Variants in MEIOB observed in about 807,000 individuals in gnomAD.
The protein encoded by MEIOB is meiosis specific with OB-fold, also known as meiosis-specific with OB domain-containing protein.
MEIOB carries 50 observed loss-of-function variants against 53.1 expected under a neutral mutation model. The observed-to-expected ratio is 0.94, with a 90% CI of 0.75 to 1.19. The LOEUF (loss-of-function observed/expected upper bound fraction) is 1.19. Among genes scored for constraint, MEIOB ranks in the 50% most tolerant of loss-of-function variants. The pLI, the probability that MEIOB is intolerant of heterozygous loss-of-function variation, is 0.00. For missense variants in MEIOB, 551 were observed against 550.8 expected (o/e 1.00, Z 0.00); for synonymous variants, 192 against 182.5 (o/e 1.05, Z -0.42).
rs57826143 is a variant in MEIOB, at chr16:1,841,012, C to CTTTTTTTTTTT, written c.1034+797_1034+807dup. 81 of 106,418 alleles carry CTTTTTTTTTTT rather than the reference C, an allele frequency of 7.6e-4. 1 individual carries two copies. Among genetic ancestry groups the CTTTTTTTTTTT allele is most frequent in the South Asian group, 1.0e-3 (3 of 2,914 alleles). 6.6% of individuals were successfully genotyped at this position (106,418 alleles called of 1,614,324 possible). ...TACTGGAGTTTACTTTCTTTTCTTT[C>CTTTTTTTTTTT]TTTTTTTTTTTTTTTTTTTTTGAGA... On this transcript the variant is annotated intron_variant, in intron 11 of 13. Transcript: ENST00000325962.
intron 9 of MEIOB, 112 bp downstream of exon 9, chr16:1,852,927 T>A: frequency 1.4e-6 from 1 of 693,376 alleles, no homozygotes; most frequent in Non-Finnish European, 2.3e-6. Context: ...CAATTTTTAC[T>A]TCTAATTTGA....
chr16:1,844,271 C>T (rs780905688), intron 10 of MEIOB, among the ~76,000 whole-genome samples: 11 of 148,320 alleles, frequency 7.4e-5, no homozygotes, highest in Non-Finnish European at 1.2e-4. Context: ...TACAGGTGCC[C>T]CCTACCATGC....
chr16:1,871,140 T>C (rs1899731591), intron 1 of MEIOB, among the ~76,000 whole-genome samples: 1 of 152,076 alleles, frequency 6.6e-6, no homozygotes, highest in African/African-American at 2.4e-5. Flanking sequence ...GATACAAAAT[T>C]AACATGAACT....
chr16:1,857,819 A>G lies in MEIOB; in HGVS notation c.444T>C (p.His148=), dbSNP rs1319730783. 1 of 1,551,802 alleles carries G rather than the reference A, an allele frequency of 6.4e-7. No homozygotes were observed. Among genetic ancestry groups the G allele is most frequent in the Non-Finnish European group, 8.7e-7 (1 of 1,146,780 alleles). ...CAATGTCACCCAGTGAATAATAATC[A>G]TGAGACTCTTTAACAGGTAAATGTA... The part of the protein sequence containing the change: ...SLIHLPVKES[H]DYYSLGDIVA... The change falls in exon 6 of 14, where the codon CAT becomes CAC. Residue 148 remains histidine (H), a synonymous_variant. Transcript: ENST00000325962.
intron 9 of MEIOB, among the ~76,000 whole-genome samples, chr16:1,848,260 A>G (rs2142085007): frequency 6.6e-6 from 1 of 152,330 alleles, no homozygotes; most frequent in Admixed American, 6.5e-5. Context: ...CCTCCACAAA[A>G]GCAATAGCAA....
At chr16:1,858,360 C>T (rs1011756817) in intron 5 of MEIOB, among the ~76,000 whole-genome samples, 3 of 152,150 alleles carry the variant, frequency 2.0e-5, no homozygotes, top group Non-Finnish European at 2.9e-5. Context: ...ATGGAGCAGA[C>T]GCAGAACACT....
Position 1,854,101 on chromosome 16 carries a change from A to G in MEIOB, c.628T>C (p.Cys210Arg). 2 of 1,537,908 alleles carry G rather than the reference A, an allele frequency of 1.3e-6. No individual in the cohort carries two copies. The highest frequency in any genetic ancestry group is 2.4e-5 in the East Asian group (1 of 40,842). Reference sequence around the variant, plus strand: ...TTTGGAACAGACATCGGTGTTTACCATGTCATCGCAAAAGACGACTCTGTT... The same window carrying G: ...TTTGGAACAGACATCGGTGTTTACCGTGTCATCGCAAAAGACGACTCTGTT... ...DETESSFAMT[C>R]WDNESILLAQ... is the part of the protein sequence containing the mutation. The change falls in exon 7 of 14, where the codon TGT becomes CGT. Residue 210 changes from cysteine to arginine, a missense_variant and splice_region_variant. Physicochemically the swap from Cys to Arg is radical, Grantham distance 180. Coordinates refer to ENST00000325962, the MANE Select transcript of MEIOB (RefSeq NM_001163560.3).
rs1899470448 is a variant in MEIOB at position 1,862,422 on chromosome 16, G to T, written c.128-306C>A. 2.0e-5 allele frequency among the ~76,000 whole-genome samples: 3 copies of T among 152,230 alleles called. No homozygotes were observed. The East Asian group carries it at 5.8e-4, about 29-fold the overall frequency. On this transcript the variant is annotated intron_variant, in intron 3 of 13. Coordinates refer to ENST00000325962, the MANE Select transcript of MEIOB (RefSeq NM_001163560.3). ...AAACATGTAAACTTGAGCCATCCAGGTATTACCTTAGGTTCTCCTTTTCTC... is the reference window on the plus strand; with the variant it reads ...AAACATGTAAACTTGAGCCATCCAGTTATTACCTTAGGTTCTCCTTTTCTC...
At chr16:1,855,532 G>T (rs187941685) in intron 6 of MEIOB, among the ~76,000 whole-genome samples, 1 of 152,306 alleles carries the variant, frequency 6.6e-6, no homozygotes, top group Admixed American at 6.5e-5. Context: ...CGTGACACAT[G>T]AAAGGTTCCA....
At chr16:1,868,053 T>A in intron 2 of MEIOB, 54 bp downstream of exon 2, 1 of 933,122 alleles carries the variant, frequency 1.1e-6, no homozygotes, top group East Asian at 2.7e-5. Flanking sequence ...ATTGATGTAA[T>A]GTTATCACAT....
chr16:1,844,617 A>T (rs1898986829), intron 10 of MEIOB, among the ~76,000 whole-genome samples: 1 of 150,814 alleles, frequency 6.6e-6, no homozygotes, highest in Non-Finnish European at 1.5e-5. Flanking sequence ...ACATCCCATG[A>T]TACCTGGCTA....
In MEIOB at chr16:1,838,091, G is replaced by A. The variant is rs1898798272; in HGVS notation, c.1219-221C>T. ...AGCTCACTGCAGCCTCGAACTCCCG[G>A]GGTCAAGCAATCCTCCCTCAGCTTC... On this transcript the variant is annotated intron_variant, in intron 12 of 13. Coordinates refer to ENST00000325962, the MANE Select transcript of MEIOB (RefSeq NM_001163560.3). 8 of 771,624 alleles carry A rather than the reference G, an allele frequency of 1.0e-5. No individual in the cohort carries two copies. The East Asian group carries it at 1.9e-4, about 18-fold the overall frequency. The allele number at this position is 771,624 out of a possible 1,614,324, so 47.8% of individuals were successfully genotyped here.
intron 6 of MEIOB, among the ~76,000 whole-genome samples, chr16:1,855,063 G>A (rs1190179045): frequency 1.3e-5 from 2 of 152,170 alleles, no homozygotes; most frequent in Non-Finnish European, 2.9e-5. Flanking sequence ...TGGGAAGGTG[G>A]AGAACACTGT....
intron 13 of MEIOB, 53 bp downstream of exon 13, chr16:1,837,731 A>C (rs960651013): frequency 3.2e-6 from 3 of 926,778 alleles, no homozygotes; most frequent in Non-Finnish European, 4.8e-6. Context: ...TATGGTTTGA[A>C]TATACAGAAT....
chr16:1,860,802 C>T (rs1180195666), intron 4 of MEIOB, among the ~76,000 whole-genome samples: 1 of 152,042 alleles, frequency 6.6e-6, no homozygotes, highest in East Asian at 1.9e-4. Context: ...AGAGAGATAC[C>T]ATACATTGTC....
At chr16:1,856,941 T>G (rs1310661636) in intron 6 of MEIOB, among the ~76,000 whole-genome samples, 2 of 126,330 alleles carry the variant, frequency 1.6e-5, no homozygotes, top group Non-Finnish European at 3.3e-5. Context: ...TTTTTGTATT[T>G]TTTGTAGAGA....
chr16:1,842,453 T>TAA (rs74460539), intron 10 of MEIOB, among the ~76,000 whole-genome samples: 11,707 of 124,146 alleles, frequency 0.094, 660 homozygotes, highest in South Asian at 0.18. Flanking sequence ...TGTCTCTACT[T>TAA]AAAAAAAAAA....
Position 1,834,329 on chromosome 16 carries a change from A to G in MEIOB, c.1343T>C (p.Ile448Thr). 5 of 1,612,712 alleles carry G rather than the reference A, an allele frequency of 3.1e-6. No individual in the cohort carries two copies. The highest frequency in any genetic ancestry group is 2.2e-5 in the East Asian group (1 of 44,870). The change falls in exon 14 of 14, where the codon ATT becomes ACT. Residue 448 changes from isoleucine (I) to threonine (T), a missense_variant. Physicochemically the swap from Ile to Thr is moderately conservative, Grantham distance 89. Transcript: ENST00000325962. ...LSHRARSGLK[I>T]SVLSCKLADP... ...TGCAAGCTTGCACGAGAGTACACTA[A>G]TTTTCAATCCACTCCTTGCTCTGTG...
chr16:1,857,753 C>T lies in MEIOB; in HGVS notation c.510G>A (p.Val170=), dbSNP rs1161554955. 2.6e-6 allele frequency: 4 copies of T among 1,551,404 alleles called. No individual in the cohort carries two copies. The highest frequency in any genetic ancestry group is 3.5e-6 in the Non-Finnish European group (4 of 1,146,904). ...AACTTACCGATTTCACAGCTGCAAGCACGTTAATAATCCTCCCATTAAGAC... is the reference window on the plus strand; with the variant it reads ...AACTTACCGATTTCACAGCTGCAAGTACGTTAATAATCCTCCCATTAAGAC... ...GHSLNGRIIN[V]LAAVKSVGEP... The change falls in exon 6 of 14, where the codon GTG becomes GTA. Residue 170 remains valine, a synonymous_variant. Coordinates refer to ENST00000325962, the MANE Select transcript of MEIOB (RefSeq NM_001163560.3).
Sources: allele counts gnomAD v4.1 joint callset (sites outside exome capture counted in the v4.1 genomes callset), GRCh38; gene constraint gnomAD v4.1.1; transcripts MANE v1.5; gene names NCBI Gene and HGNC (gene_info 2026-07-23, HGNC 2026-07-21).